The following KIRREL3 variants were observed in gnomAD, a reference collection of about 807,000 sequenced individuals.
The protein encoded by KIRREL3 is kin of IRRE-like protein 3.
KIRREL3 carries 36 observed loss-of-function variants against 89.7 expected under a neutral mutation model. That is an observed-to-expected ratio of 0.40 (90% confidence interval 0.31 to 0.53). The LOEUF (loss-of-function observed/expected upper bound fraction) is 0.53. Among genes scored for constraint, KIRREL3 ranks in the 20% least tolerant of loss-of-function variants. KIRREL3 has a pLI of 0.49. For missense variants in KIRREL3, 864 were observed against 1,056.6 expected, an observed-to-expected ratio of 0.82 and a Z score of 2.53; for synonymous variants, 445 against 441.4, an observed-to-expected ratio of 1.01 and a Z score of -0.10.
chr11:126,497,328 G>C (rs755541683), intron 4 of KIRREL3, among the ~76,000 whole-genome samples: 49 of 152,188 alleles, frequency 3.2e-4, no homozygotes, highest in Non-Finnish European at 5.9e-4. Context: ...GACAGAGAGA[G>C]AGAGACTCCC....
chr11:126,988,123 G>A (rs1024570983), intron 1 of KIRREL3, among the ~76,000 whole-genome samples: 1 of 152,168 alleles, frequency 6.6e-6, no homozygotes, highest in East Asian at 1.9e-4. Flanking sequence ...CATTCTTCCA[G>A]CACACAGCTA....
chr11:126,923,133 T>TCTC lies in KIRREL3; in HGVS notation c.55+77321_55+77322insGAG, dbSNP rs1565422701. Among the ~76,000 whole-genome samples, 79 of 13,788 alleles carry TCTC rather than the reference T, an allele frequency of 5.7e-3. 5 individuals carry two copies. Among genetic ancestry groups the TCTC allele is most frequent in the African/African-American group, 0.012 (28 of 2,266 alleles). 9.0% of individuals were successfully genotyped at this position (13,788 alleles called of 152,430 possible). A position where few individuals can be genotyped will look rare whatever the true frequency, so the allele number is the denominator to read the frequency against. ...CTCCTTCTCCTTCTCCTTCTTCTCTTCTTCTTCTTCTTCTTCTTCTTCTTC... is the reference window on the plus strand; with the variant it reads ...CTCCTTCTCCTTCTCCTTCTTCTCTTCTCCTTCTTCTTCTTCTTCTTCTTCTTC... On this transcript the variant is annotated intron_variant, in intron 1 of 16. Coordinates refer to ENST00000525144, the MANE Select transcript of KIRREL3 (RefSeq NM_032531.4).
intron 1 of KIRREL3, among the ~76,000 whole-genome samples, chr11:126,810,034 G>C (rs1340005642): frequency 6.6e-6 from 1 of 152,118 alleles, no homozygotes; most frequent in East Asian, 1.9e-4. Flanking sequence ...CATTCTTAAT[G>C]ATGGCCCAAT....
chr11:126,662,906 C>CTTTTTTTTTTTTTTTTTT (rs756193928), intron 1 of KIRREL3, among the ~76,000 whole-genome samples: 2 of 91,878 alleles, frequency 2.2e-5, no homozygotes, highest in East Asian at 3.2e-4. Context: ...AAAGTCCTTT[C>CTTTTTTTTTTTTTTTTTT]TTTTTTTTTT....
intron 1 of KIRREL3, among the ~76,000 whole-genome samples, chr11:126,951,257 C>T (rs1470793837): frequency 6.6e-6 from 1 of 152,206 alleles, no homozygotes; most frequent in Non-Finnish European, 1.5e-5. Context: ...GGCCTATCAA[C>T]CTAGAGACCT....
rs973239580 is a variant in KIRREL3, at chr11:126,651,472, G to C, written c.56-88560C>G. ...AGTGTAATTTCTCATGGCTGATTTT[G>C]ACAGGAGATGTCAGGTTAGTCTTAG... On this transcript the variant is annotated intron_variant, in intron 1 of 16. Coordinates refer to ENST00000525144, the MANE Select transcript of KIRREL3 (RefSeq NM_032531.4). This position sits in a 1 kb window ranked among gnomAD's most constrained non-coding sequence, Gnocchi z 4.6. Among the ~76,000 whole-genome samples the C allele has an allele frequency of 6.6e-6, 1 of 152,208 alleles. No individual in the cohort carries two copies.
rs1385212723 is a variant in KIRREL3 at position 126,474,409 on chromosome 11, G to A, written c.434-943C>T. ...CAAGGTCACATGGTGGCAGAGCCAGGGCTGGAGGCCAGGCCCAGGGAACCT... is the reference window on the plus strand; with the variant it reads ...CAAGGTCACATGGTGGCAGAGCCAGAGCTGGAGGCCAGGCCCAGGGAACCT... On this transcript the variant is annotated intron_variant, in intron 4 of 16. Transcript: ENST00000525144. This position sits in a 1 kb window ranked among gnomAD's most constrained non-coding sequence, Gnocchi z 6.7. Among the ~76,000 whole-genome samples, 1 of 152,218 alleles carries A rather than the reference G, an allele frequency of 6.6e-6. No individual in the cohort carries two copies. The highest frequency in any genetic ancestry group is 1.5e-5 in the Non-Finnish European group (1 of 68,038).
chr11:126,822,896 G>A (rs1199660232), intron 1 of KIRREL3, among the ~76,000 whole-genome samples: 1 of 152,118 alleles, frequency 6.6e-6, no homozygotes. Context: ...AACTCACACA[G>A]TGTTATATCC....
chr11:126,974,073 G>A (rs981196142), intron 1 of KIRREL3, among the ~76,000 whole-genome samples: 2 of 152,148 alleles, frequency 1.3e-5, no homozygotes, highest in African/African-American at 4.8e-5. Flanking sequence ...GGTACTCATT[G>A]CACGTTAGGG....
chr11:126,693,514 A>G (rs1402515936), intron 1 of KIRREL3, among the ~76,000 whole-genome samples: 1 of 151,776 alleles, frequency 6.6e-6, no homozygotes, highest in Admixed American at 6.6e-5. Context: ...AGAGAAAGAG[A>G]CTCTGCCGGC....
intron 1 of KIRREL3, among the ~76,000 whole-genome samples, chr11:126,923,445 C>CG (rs763565498): frequency 2.1e-5 from 2 of 95,338 alleles, no homozygotes; most frequent in Non-Finnish European, 3.9e-5. Context: ...TCTTCTCCTT[C>CG]TTTTTTTTTT....
intron 1 of KIRREL3, among the ~76,000 whole-genome samples, chr11:126,962,251 C>T (rs76825735): frequency 0.013 from 2,034 of 152,212 alleles, 55 homozygotes; most frequent in East Asian, 0.12. Context: ...AATTGAAAAC[C>T]TATTGGAAAG....
At position 126,742,024 on chromosome 11, in the gene KIRREL3, G is replaced by A. The variant is rs956735235; in HGVS notation, c.56-179112C>T. ...GGTACCAGGAGGTTGAATGGAGGAC[G>A]CTTGTGCTAAGAAGGGAGAACTATT... On this transcript the variant is annotated intron_variant, in intron 1 of 16. Coordinates refer to ENST00000525144, the MANE Select transcript of KIRREL3 (RefSeq NM_032531.4). The surrounding 1 kb of genome is among the most constrained non-coding windows in gnomAD (Gnocchi z 5.3). Among the ~76,000 whole-genome samples, 3 of 152,222 alleles carry A rather than the reference G, an allele frequency of 2.0e-5. No individual in the cohort carries two copies. Among genetic ancestry groups the A allele is most frequent in the East Asian group, 1.9e-4 (1 of 5,202 alleles).
In KIRREL3 at chr11:126,763,126, G is replaced by C. The variant is rs1168924576; in HGVS notation, c.56-200214C>G. Among the ~76,000 whole-genome samples, 1 of 152,186 alleles carries C rather than the reference G, an allele frequency of 6.6e-6. No homozygotes were observed. The highest frequency in any genetic ancestry group is 1.5e-5 in the Non-Finnish European group (1 of 68,040). On this transcript the variant is annotated intron_variant, in intron 1 of 16. Coordinates refer to ENST00000525144, the MANE Select transcript of KIRREL3 (RefSeq NM_032531.4). This position sits in a 1 kb window ranked among gnomAD's most constrained non-coding sequence, Gnocchi z 4.7. ...CTATCCTCGTCTGGCATTGAGAGAA[G>C]AGTGCAGGACTGGGTTTGAGAGCAG...
intron 1 of KIRREL3, chr11:126,936,709 T>A: frequency 6.6e-6 from 1 of 151,962 alleles, no homozygotes; most frequent in Non-Finnish European, 1.5e-5. Flanking sequence ...AAAAGACAAA[T>A]CTCTAGCAAT....
chr11:126,464,254 T>C (rs1337378680), intron 5 of KIRREL3, among the ~76,000 whole-genome samples: 1 of 146,848 alleles, frequency 6.8e-6, no homozygotes, highest in Non-Finnish European at 1.5e-5. Flanking sequence ...ATGTCTGTAA[T>C]CCCAGCACTT....
intron 13 of KIRREL3, among the ~76,000 whole-genome samples, chr11:126,434,693 C>T (rs1194615605): frequency 6.6e-6 from 1 of 152,222 alleles, no homozygotes; most frequent in Non-Finnish European, 1.5e-5. Context: ...GGCCTGATGA[C>T]TGCTTTGCTG....
chr11:126,662,135 G>A (rs1444447391), intron 1 of KIRREL3, among the ~76,000 whole-genome samples: 3 of 152,208 alleles, frequency 2.0e-5, no homozygotes, highest in Non-Finnish European at 4.4e-5. Context: ...CATGAAAAGT[G>A]TGTCACCCAG....
rs185236378 is a variant in KIRREL3, at chr11:126,507,008, T to A, written c.433+14307A>T. ...GAATGGATAAACAGAATGTGGTATA[T>A]CCATATAATGGAATACTATTCAGCA... On this transcript the variant is annotated intron_variant, in intron 4 of 16. Coordinates refer to ENST00000525144, the MANE Select transcript of KIRREL3 (RefSeq NM_032531.4). Among the ~76,000 whole-genome samples, 19 of 152,280 alleles carry A rather than the reference T, an allele frequency of 1.2e-4. No homozygotes were observed. In the East Asian group the frequency reaches 2.3e-3, roughly 19 times the overall value.
Sources: gnomAD v4.1 joint callset for allele counts (sites outside exome capture counted in the v4.1 genomes callset) on GRCh38, gnomAD v4.1.1 for gene constraint, Gnocchi (gnomAD v3.1) non-coding constraint, MANE v1.5 for transcripts, NCBI Gene and HGNC (gene_info 2026-07-23, HGNC 2026-07-21) for gene names.